LRBA: variants seen among roughly 807,000 people sequenced by gnomAD.
LRBA encodes LPS responsive beige-like anchor protein.
In LRBA, 176 loss-of-function variants were observed where a neutral mutation model predicts 330.0. That is an observed-to-expected ratio of 0.53 (90% CI 0.47 to 0.60). The LOEUF is 0.60. Ranked by LOEUF, LRBA falls within the 20% of genes least tolerant of loss-of-function variation. The pLI, the probability that LRBA is intolerant of heterozygous loss-of-function variation, is 0.00. For missense variants in LRBA, 3,259 were observed against 3,444.8 expected, an observed-to-expected ratio of 0.95 and a Z score of 1.35; for synonymous variants, 1,230 against 1,193.0, an observed-to-expected ratio of 1.03 and a Z score of -0.64.
At chr4:150,363,889 T>C (rs188173246) in intron 47 of LRBA, among the ~76,000 whole-genome samples, 150 of 152,336 alleles carry the variant, frequency 9.8e-4, no homozygotes, top group African/African-American at 3.4e-3. Context: ...AAGCGTGAAA[T>C]TGACCATAGC....
chr4:150,463,193 G>A (rs1755001549), intron 44 of LRBA, among the ~76,000 whole-genome samples: 1 of 151,872 alleles, frequency 6.6e-6, no homozygotes, highest in African/African-American at 2.4e-5. Context: ...GAACCTGAAT[G>A]ACTTTTGTAG....
intron 37 of LRBA, among the ~76,000 whole-genome samples, chr4:150,612,843 C>T (rs1231123109): frequency 6.6e-6 from 1 of 151,972 alleles, no homozygotes; most frequent in Non-Finnish European, 1.5e-5. Context: ...AAAGTAAAAA[C>T]CCAGAGTGAT....
chr4:150,908,355 T>C lies in LRBA; in HGVS notation c.1472A>G (p.Asp491Gly). 6.2e-7 allele frequency: 1 copy of C among 1,607,094 alleles called. No individual in the cohort carries two copies. The highest frequency in any genetic ancestry group is 8.5e-7 in the Non-Finnish European group (1 of 1,178,560). The change falls in exon 11 of 57, where the codon GAT becomes GGT. Residue 491 changes from aspartate (D) to glycine (G), a missense_variant. Asp to Gly is a moderately conservative substitution (Grantham distance 94). Coordinates refer to ENST00000651943, the MANE Select transcript of LRBA (RefSeq NM_001364905.1). Reference sequence around the variant, plus strand: ...TCACCATATAGTCAAATCAATCTCATCAGACAAATATTGCCTGTAATCCAA... The same window carrying C: ...TCACCATATAGTCAAATCAATCTCACCAGACAAATATTGCCTGTAATCCAA... ...AQLDYRQYLS[D>G]EIDLTICSTL...
At chr4:150,683,770 A>C in intron 36 of LRBA, 53 bp from the exon 37 acceptor site, 9 of 1,347,288 alleles carry the variant, frequency 6.7e-6, no homozygotes, top group Non-Finnish European at 9.1e-6. Context: ...AACCTTTAAA[A>C]TCCATTATGA....
chr4:150,874,786 C>T (rs928192423), intron 17 of LRBA, among the ~76,000 whole-genome samples: 4 of 151,928 alleles, frequency 2.6e-5, no homozygotes, highest in African/African-American at 4.8e-5. Flanking sequence ...AGGCAACTGA[C>T]GCACCCACTC....
At position 150,599,076 on chromosome 4, in the gene LRBA, G is replaced by T; in HGVS notation, c.5977C>A (p.Arg1993=). 1 of 1,614,046 alleles carries T rather than the reference G, an allele frequency of 6.2e-7. No individual in the cohort carries two copies. Among genetic ancestry groups the T allele is most frequent in the Non-Finnish European group, 8.5e-7 (1 of 1,179,952 alleles). ...DYWEDDLRRR[R]RFVRNPLGST... ...CCTAGAGGGTTACGCACAAATCGTC[G>T]CCGGCGCCGCAAGTCATCTTCCCAG... The change falls in exon 38 of 57, where the codon CGA becomes AGA. Residue 1993 remains arginine (R), a synonymous_variant. Coordinates refer to ENST00000651943, the MANE Select transcript of LRBA (RefSeq NM_001364905.1).
At chr4:150,861,592 G>A (rs1175581691) in intron 22 of LRBA, among the ~76,000 whole-genome samples, 2 of 152,180 alleles carry the variant, frequency 1.3e-5, no homozygotes, top group Non-Finnish European at 2.9e-5. Flanking sequence ...CAATCAGTGA[G>A]TAAGTGGTGA....
intron 48 of LRBA, among the ~76,000 whole-genome samples, chr4:150,345,683 T>C (rs1339791549): frequency 6.6e-6 from 1 of 152,250 alleles, no homozygotes; most frequent in Non-Finnish European, 1.5e-5. Flanking sequence ...ATCAGGGCCA[T>C]GACTCAAATT....
intron 22 of LRBA, among the ~76,000 whole-genome samples, chr4:150,859,821 C>T (rs781727987): frequency 6.6e-6 from 1 of 152,054 alleles, no homozygotes; most frequent in Non-Finnish European, 1.5e-5. Context: ...TTATCAAGAA[C>T]CATGTTATAA....
Position 150,545,928 on chromosome 4 carries a change from G to GT in LRBA, c.6330+42119dup, listed in dbSNP as rs559122849. 7.1e-3 allele frequency among the ~76,000 whole-genome samples: 1,034 copies of GT among 146,486 alleles called. 12 individuals are homozygous for GT. The highest frequency in any genetic ancestry group is 0.023 in the African/African-American group (934 of 40,230). Reference sequence around the variant, plus strand: ...CAACAGCTAATTCAGAAAAGAAAAAGTTTTTTTTTTTCTTTTTCCTATCCA... The same window carrying GT: ...CAACAGCTAATTCAGAAAAGAAAAAGTTTTTTTTTTTTCTTTTTCCTATCCA... On this transcript the variant is annotated intron_variant, in intron 40 of 56. Coordinates refer to ENST00000651943, the MANE Select transcript of LRBA (RefSeq NM_001364905.1).
intron 36 of LRBA, among the ~76,000 whole-genome samples, chr4:150,712,052 TG>T (rs1291914628): frequency 1.5e-4 from 23 of 152,200 alleles, no homozygotes; most frequent in Admixed American, 6.5e-5. Flanking sequence ...TCAATTCTTC[TG>T]GTGCAACTCA....
At chr4:150,923,184 C>CAAAAAAAA (rs372277904) in intron 4 of LRBA, among the ~76,000 whole-genome samples, 1 of 137,318 alleles carries the variant, frequency 7.3e-6, no homozygotes, top group Non-Finnish European at 1.5e-5. Context: ...ATCGTAAAGT[C>CAAAAAAAA]AAAAAAAAAA....
intron 34 of LRBA, among the ~76,000 whole-genome samples, chr4:150,791,813 G>A (rs992860047): frequency 2.6e-5 from 4 of 152,054 alleles, no homozygotes; most frequent in Admixed American, 1.3e-4. Flanking sequence ...TGGATCACGA[G>A]CTCAGGAGAT....
chr4:150,281,053 C>T (rs1747439575), intron 55 of LRBA, among the ~76,000 whole-genome samples: 1 of 152,198 alleles, frequency 6.6e-6, no homozygotes, highest in Admixed American at 6.5e-5. Context: ...GAAAGCCTCC[C>T]ACTGCTGCCT....
intron 40 of LRBA, among the ~76,000 whole-genome samples, chr4:150,514,166 G>A (rs570680516): frequency 4.3e-4 from 65 of 152,218 alleles, no homozygotes; most frequent in African/African-American, 1.3e-3. Flanking sequence ...TCCGCCTCCC[G>A]AGTTCAAGTG....
intron 41 of LRBA, among the ~76,000 whole-genome samples, chr4:150,490,175 GA>G (rs1184511678): frequency 6.6e-6 from 1 of 151,696 alleles, no homozygotes; most frequent in African/African-American, 2.4e-5. Context: ...CCTAAAGACA[GA>G]TAATTTCATA....
chr4:150,308,034 T>A (rs1037336898), intron 52 of LRBA, among the ~76,000 whole-genome samples: 4 of 152,060 alleles, frequency 2.6e-5, no homozygotes, highest in South Asian at 2.1e-4. Flanking sequence ...AAGGCAGGAG[T>A]ATGGACTCAA....
At chr4:150,627,223 A>G (rs540758778) in intron 37 of LRBA, among the ~76,000 whole-genome samples, 3 of 152,124 alleles carry the variant, frequency 2.0e-5, no homozygotes, top group South Asian at 2.1e-4. Flanking sequence ...CTGAAAATTA[A>G]TAAGTATGCA....
intron 56 of LRBA, among the ~76,000 whole-genome samples, chr4:150,269,999 T>G (rs1468410626): frequency 6.6e-6 from 1 of 151,664 alleles, no homozygotes; most frequent in Non-Finnish European, 1.5e-5. Flanking sequence ...AGGAAGAGAG[T>G]GAAAAGACAA....
Sources: allele counts gnomAD v4.1 joint callset (sites outside exome capture counted in the v4.1 genomes callset), GRCh38; gene constraint gnomAD v4.1.1; transcripts MANE v1.5; gene names NCBI Gene and HGNC (gene_info 2026-07-23, HGNC 2026-07-21).